DPCD: variants seen among roughly 807,000 people sequenced by gnomAD.
DPCD encodes the protein deleted in primary ciliary dyskinesia homolog (mouse).
DPCD carries 20 observed loss-of-function variants against 26.4 expected under a neutral mutation model. That is an observed-to-expected ratio of 0.76 (90% CI 0.53 to 1.10). The LOEUF (loss-of-function observed/expected upper bound fraction) is 1.10. Ranked by LOEUF, DPCD falls within the 50% of genes least tolerant of loss-of-function variation. DPCD has a pLI of 0.00. For synonymous variants in DPCD, 97 were observed against 94.2 expected (o/e 1.03, Z -0.17); for missense variants, 202 against 253.9 (o/e 0.80, Z 1.39).
intron 4 of DPCD, chr10:101,605,065 G>C: frequency 6.5e-7 from 1 of 1,547,740 alleles, no homozygotes; most frequent in Non-Finnish European, 8.7e-7. Context: ...CTAGCAGGGG[G>C]CGACTGTGGG....
rs751792436 is a variant in DPCD at position 101,588,414 on chromosome 10, C to T, written c.64+14C>T. 6 of 1,582,672 alleles carry T rather than the reference C, an allele frequency of 3.8e-6. No homozygotes were observed. In the African/African-American group the frequency reaches 8.0e-5, roughly 21 times the overall value. On this transcript the variant is annotated intron_variant, in intron 1 of 5. Transcript: ENST00000370151. The stretch of plus-strand genomic sequence containing the variant: ...TGCTGCAGGACGGTAACTCGAGGGT[C>T]CCCACGGGCTCCTTCGTTTTTTTCC...
chr10:101,595,969 C>T (rs1470462117), intron 2 of DPCD, among the ~76,000 whole-genome samples: 1 of 152,178 alleles, frequency 6.6e-6, no homozygotes, highest in Non-Finnish European at 1.5e-5. Context: ...AGCCGCAGCT[C>T]CTCACTCCCA....
intron 2 of DPCD, among the ~76,000 whole-genome samples, chr10:101,597,549 A>T (rs1177852330): frequency 6.6e-6 from 1 of 152,204 alleles, no homozygotes; most frequent in Non-Finnish European, 1.5e-5. Flanking sequence ...AGTCTGGGAC[A>T]TCAGCCTGCT....
chr10:101,599,727 T>C (rs916499887), intron 2 of DPCD, among the ~76,000 whole-genome samples: 7 of 152,220 alleles, frequency 4.6e-5, no homozygotes, highest in Admixed American at 4.6e-4. Context: ...GAAACAACTG[T>C]AACTGAGTAC....
chr10:101,595,824 A>G (rs932391672), intron 2 of DPCD, among the ~76,000 whole-genome samples: 10 of 152,216 alleles, frequency 6.6e-5, no homozygotes, highest in Non-Finnish European at 1.3e-4. Context: ...AAACCAATAC[A>G]GTAGTAATAT....
intron 1 of DPCD, among the ~76,000 whole-genome samples, chr10:101,593,098 CAT>C (rs773858014): frequency 2.0e-5 from 3 of 151,990 alleles, no homozygotes; most frequent in Admixed American, 6.6e-5. Context: ...TTTGATAAGA[CAT>C]GTGAAATGCC....
chr10:101,601,366 T>C, intron 4 of DPCD, 30 bp downstream of exon 4: 1 of 1,611,256 alleles, frequency 6.2e-7, no homozygotes. Flanking sequence ...CCCTGTGTGC[T>C]TGTGTATGAG....
intron 2 of DPCD, chr10:101,596,715 A>G (rs2063654501): frequency 6.6e-6 from 1 of 152,142 alleles, no homozygotes; most frequent in Admixed American, 6.5e-5. Context: ...CCCTGGCAAA[A>G]TACTCTCCAT....
At chr10:101,597,940 G>A (rs1036154592) in intron 2 of DPCD, among the ~76,000 whole-genome samples, 1 of 152,154 alleles carries the variant, frequency 6.6e-6, no homozygotes, top group East Asian at 1.9e-4. Flanking sequence ...TGGGAAAGGA[G>A]ACTTTCTTCT....
chr10:101,597,825 A>G (rs2063665092), intron 2 of DPCD, among the ~76,000 whole-genome samples: 1 of 152,228 alleles, frequency 6.6e-6, no homozygotes, highest in Admixed American at 6.5e-5. Flanking sequence ...AAGACAAGAC[A>G]AAGTGTGCAT....
At chr10:101,596,707 C>G (rs985414028) in intron 2 of DPCD, 10 of 152,164 alleles carry the variant, frequency 6.6e-5, no homozygotes, top group Admixed American at 6.5e-4. Context: ...CACTGCTGCC[C>G]TGGCAAAATA....
intron 2 of DPCD, among the ~76,000 whole-genome samples, chr10:101,596,937 C>A (rs889752215): frequency 6.6e-6 from 1 of 152,168 alleles, no homozygotes; most frequent in Non-Finnish European, 1.5e-5. Context: ...AATAGGTGTG[C>A]GTCAGTCTGG....
At chr10:101,594,467 A>C (rs1004145504) in intron 1 of DPCD, among the ~76,000 whole-genome samples, 191 bp from the exon 2 acceptor site, 1 of 152,212 alleles carries the variant, frequency 6.6e-6, no homozygotes, top group Non-Finnish European at 1.5e-5. Context: ...GGAAAGCTTC[A>C]GAAAGGGAGA....
In DPCD at chr10:101,608,124, A is replaced by G. The variant is rs554320306; in HGVS notation, c.405-711A>G. ...CTATTTTTTTTTTTAATTAAAAGGC[A>G]TCATTAATCGCTGAACCGGCACCTG... On this transcript the variant is annotated intron_variant, in intron 4 of 5. Coordinates refer to ENST00000370151, the MANE Select transcript of DPCD (RefSeq NM_015448.3). 1.1e-4 allele frequency among the ~76,000 whole-genome samples: 16 copies of G among 152,084 alleles called. No homozygotes were observed. The South Asian group carries it at 2.9e-3, about 28-fold the overall frequency.
At chr10:101,605,276 G>C (rs1173474968) in intron 4 of DPCD, 2 of 1,541,622 alleles carry the variant, frequency 1.3e-6, no homozygotes, top group East Asian at 4.9e-5. Flanking sequence ...AGCCTCCAGA[G>C]TCTCTCTCCC....
chr10:101,594,808 T>G, intron 2 of DPCD, 70 bp downstream of exon 2: 1 of 1,442,506 alleles, frequency 6.9e-7, no homozygotes, highest in Non-Finnish European at 9.8e-7. Flanking sequence ...TGAACACTCC[T>G]AGCCTTAGGC....
intron 1 of DPCD, chr10:101,588,616 G>A (rs551658020): frequency 1.7e-5 from 23 of 1,378,030 alleles, no homozygotes; most frequent in Non-Finnish European, 2.1e-5. Flanking sequence ...ACACCATCTC[G>A]CTCCGCTCTG....
chr10:101,598,350 TA>T (rs963579755), intron 2 of DPCD, among the ~76,000 whole-genome samples: 2 of 151,060 alleles, frequency 1.3e-5, no homozygotes, highest in African/African-American at 2.4e-5. Context: ...TTGAGCTACT[TA>T]AAAAAAAACA....
chr10:101,590,224 C>T (rs1442084423), intron 1 of DPCD, among the ~76,000 whole-genome samples: 2 of 152,156 alleles, frequency 1.3e-5, no homozygotes, highest in Non-Finnish European at 2.9e-5. Flanking sequence ...TTAAAGCAGT[C>T]ACTCAGTCAG....
Sources: gnomAD v4.1 joint callset for allele counts (sites outside exome capture counted in the v4.1 genomes callset) on GRCh38, gnomAD v4.1.1 for gene constraint, MANE v1.5 for transcripts, NCBI Gene and HGNC (gene_info 2026-07-23, HGNC 2026-07-21) for gene names.